Variants in CELF1 observed in about 807,000 individuals in gnomAD.
CELF1 encodes CUGBP Elav-like family member 1, also known as 50 kDa nuclear polyadenylated RNA-binding protein.
In CELF1, 10 loss-of-function variants were observed where a neutral mutation model predicts 61.8. That is an observed-to-expected ratio of 0.16 (90% CI 0.10 to 0.27). The LOEUF (loss-of-function observed/expected upper bound fraction) is 0.27. Ranked by LOEUF, CELF1 falls within the 10% of genes least tolerant of loss-of-function variation. CELF1 has a pLI of 1.00. For synonymous variants in CELF1, 236 were observed against 225.1 expected (o/e 1.05, Z -0.43); for missense variants, 380 against 639.1 (o/e 0.59, Z 4.37).
At chr11:47,473,412 A>C (rs1464382371) in intron 13 of CELF1, among the ~76,000 whole-genome samples, 181 bp from the exon 14 acceptor site, 1 of 152,260 alleles carries the variant, frequency 6.6e-6, no homozygotes, top group Non-Finnish European at 1.5e-5. Flanking sequence ...ACATTAAAAC[A>C]GATTCCTTCC....
intron 1 of CELF1, among the ~76,000 whole-genome samples, chr11:47,549,540 G>A (rs1174248833): frequency 6.6e-6 from 1 of 152,120 alleles, no homozygotes; most frequent in Non-Finnish European, 1.5e-5. Flanking sequence ...GAGTCTTGAG[G>A]ACATTACACT....
intron 1 of CELF1, among the ~76,000 whole-genome samples, chr11:47,542,810 A>T (rs1238778268): frequency 6.6e-6 from 1 of 152,044 alleles, no homozygotes; most frequent in Non-Finnish European, 1.5e-5. Context: ...ACAACATATC[A>T]ACAGGGCTGG....
intron 1 of CELF1, among the ~76,000 whole-genome samples, chr11:47,508,747 A>G (rs2094772740): frequency 6.6e-6 from 1 of 152,008 alleles, no homozygotes; most frequent in Non-Finnish European, 1.5e-5. Flanking sequence ...TCACCTGGAG[A>G]AGGGCAAATG....
At chr11:47,489,935 G>GTTTTTGTTTTTTTTTTTTT (rs1555170253) in intron 3 of CELF1, among the ~76,000 whole-genome samples, 3 of 48,226 alleles carry the variant, frequency 6.2e-5, no homozygotes, top group East Asian at 6.0e-4. Flanking sequence ...ATACCATCTT[G>GTTTTTGTTTTTTTTTTTTT]TTTTTTTTTT....
upstream of CELF1, among the ~76,000 whole-genome samples, chr11:47,558,117 A>G (rs1179004094): frequency 2.0e-5 from 3 of 152,066 alleles, no homozygotes; most frequent in Non-Finnish European, 4.4e-5. Context: ...TCAGCCTCCG[A>G]AAGTGTTGGG....
chr11:47,484,736 T>C (rs995904020), intron 6 of CELF1, among the ~76,000 whole-genome samples: 4 of 152,232 alleles, frequency 2.6e-5, no homozygotes, highest in Admixed American at 6.5e-5. Flanking sequence ...TGGAGTGTAA[T>C]GGCGCGATCT....
intron 1 of CELF1, chr11:47,523,339 T>C (rs1597895595): frequency 6.6e-6 from 1 of 152,162 alleles, no homozygotes; most frequent in Middle Eastern, 3.4e-3. Context: ...ATAGTATAAA[T>C]GGGAAAACAT....
At position 47,482,818 on chromosome 11, in the gene CELF1, T is replaced by C. The variant is rs2084139787; in HGVS notation, c.645A>G (p.Thr215=). The C allele has an allele frequency of 2.5e-6, 4 of 1,614,128 alleles. No individual in the cohort carries two copies. The highest frequency in any genetic ancestry group is 3.4e-6 in the Non-Finnish European group (4 of 1,180,008). Residue 215 remains threonine, a synonymous_variant, in exon 9 of 15, where the codon ACA becomes ACG. Coordinates refer to ENST00000687097, the MANE Select transcript of CELF1 (RefSeq NM_001376376.1). ...TTCTCTTCTGTTCTTTGTCCTTCTG[T>C]GTATCAGCAAATTTTACCACCATGG... is the stretch of plus-strand genomic sequence containing the variant. ...SSPMVVKFAD[T]QKDKEQKRMA...
intron 1 of CELF1, among the ~76,000 whole-genome samples, chr11:47,518,201 A>ATCC (rs2095661375): frequency 6.6e-6 from 1 of 152,202 alleles, no homozygotes; most frequent in South Asian, 2.1e-4. Flanking sequence ...TGTCCAGGTG[A>ATCC]TCCAGCAGTA....
intron 1 of CELF1, among the ~76,000 whole-genome samples, chr11:47,538,719 G>A (rs2096699350): frequency 6.6e-6 from 1 of 151,542 alleles, no homozygotes; most frequent in Non-Finnish European, 1.5e-5. Context: ...GTATTACAGG[G>A]AATGTTTACA....
chr11:47,513,464 C>CTT (rs35845903), intron 1 of CELF1: 6 of 94,910 alleles, frequency 6.3e-5, no homozygotes, highest in Non-Finnish European at 1.1e-4. Flanking sequence ...AGCACCCCCT[C>CTT]TTTTTTTTTT....
At chr11:47,492,611 A>T (rs1375461423) in intron 3 of CELF1, among the ~76,000 whole-genome samples, 1 of 152,126 alleles carries the variant, frequency 6.6e-6, no homozygotes, top group Non-Finnish European at 1.5e-5. Context: ...GTGCACCTGT[A>T]ATCCCAGCTA....
intron 11 of CELF1, 114 bp from the exon 12 acceptor site, chr11:47,477,073 T>A: frequency 1.0e-6 from 1 of 973,682 alleles, no homozygotes; most frequent in Non-Finnish European, 1.6e-6. Context: ...AGTTACTAAT[T>A]CTAACAACTG....
At chr11:47,488,788 C>A (rs574401574) in intron 4 of CELF1, 49 bp downstream of exon 4, 2 of 1,370,216 alleles carry the variant, frequency 1.5e-6, no homozygotes, top group Admixed American at 2.9e-5. Context: ...CTCACCTGCT[C>A]TGAGAGTCAG....
chr11:47,548,238 G>A (rs768970797), intron 1 of CELF1, among the ~76,000 whole-genome samples: 5 of 152,124 alleles, frequency 3.3e-5, no homozygotes, highest in Non-Finnish European at 7.4e-5. Flanking sequence ...GACAGAGATT[G>A]CAGTGAGCCA....
chr11:47,481,397 T>C (rs2153430846), intron 9 of CELF1, among the ~76,000 whole-genome samples: 1 of 152,194 alleles, frequency 6.6e-6, no homozygotes, highest in East Asian at 1.9e-4. Context: ...CCCAAAGTGT[T>C]GGGATTACAG....
At chr11:47,546,316 G>T (rs988509195) in intron 1 of CELF1, among the ~76,000 whole-genome samples, 6 of 151,138 alleles carry the variant, frequency 4.0e-5, no homozygotes, top group African/African-American at 1.2e-4. Context: ...GCCCAGGCTG[G>T]AGTGCAGTGG....
intron 1 of CELF1, among the ~76,000 whole-genome samples, chr11:47,519,021 G>C (rs1472586719): frequency 1.3e-5 from 2 of 152,144 alleles, no homozygotes; most frequent in African/African-American, 2.4e-5. Flanking sequence ...TAAAACTAGA[G>C]AAACCAGAAA....
chr11:47,551,568 T>A (rs968242721), intron 1 of CELF1, among the ~76,000 whole-genome samples: 2 of 152,200 alleles, frequency 1.3e-5, no homozygotes, highest in African/African-American at 4.8e-5. Context: ...TGATTCTATA[T>A]TGAGACGCCT....
Sources: allele counts gnomAD v4.1 joint callset (sites outside exome capture counted in the v4.1 genomes callset), GRCh38; gene constraint gnomAD v4.1.1; transcripts MANE v1.5; gene names NCBI Gene and HGNC (gene_info 2026-07-23, HGNC 2026-07-21).